The following NKAIN2 variants were observed in gnomAD, a reference collection of about 807,000 sequenced individuals.
NKAIN2 encodes the protein sodium/potassium transporting ATPase interacting 2, also known as sodium/potassium-transporting ATPase subunit beta-1-interacting protein 2.
A neutral mutation model predicts 32.6 loss-of-function variants in NKAIN2; 14 were observed. The observed-to-expected ratio is 0.43, with a 90% CI of 0.28 to 0.67. The LOEUF (loss-of-function observed/expected upper bound fraction) is 0.67. NKAIN2 is among the 30% of genes least tolerant of loss of function. NKAIN2 has a pLI of 0.17. For synonymous variants in NKAIN2, 80 were observed against 87.2 expected, an observed-to-expected ratio of 0.92 and a Z score of 0.46; for missense variants, 198 against 258.3, an observed-to-expected ratio of 0.77 and a Z score of 1.60.
rs1021617619 is a variant in NKAIN2 at position 124,153,179 on chromosome 6, G to C, written c.55-129826G>C. 1.5e-4 allele frequency among the ~76,000 whole-genome samples: 23 copies of C among 151,920 alleles called. 1 individual carries two copies. Among genetic ancestry groups the C allele is most frequent in the Middle Eastern group, 3.4e-3 (1 of 294 alleles). On this transcript the variant is annotated intron_variant, in intron 1 of 6. Coordinates refer to ENST00000368417, the MANE Select transcript of NKAIN2 (RefSeq NM_001040214.3). ...GCACACAACACCAAAAAAGATAAAT[G>C]TTGAGGTGATGGATATTCCGATTAC...
At chr6:123,922,875 A>C (rs1362880073) in intron 1 of NKAIN2, among the ~76,000 whole-genome samples, 1 of 152,166 alleles carries the variant, frequency 6.6e-6, no homozygotes, top group Non-Finnish European at 1.5e-5. Context: ...ACATGGGGAA[A>C]GTTACTGTGC....
intron 3 of NKAIN2, among the ~76,000 whole-genome samples, chr6:124,373,938 G>T (rs1025883570): frequency 6.6e-6 from 1 of 152,102 alleles, no homozygotes; most frequent in Admixed American, 6.6e-5. Flanking sequence ...CAGGAAAAAA[G>T]ACACAGAGGA....
chr6:124,437,872 A>ATTTTTT (rs374033234), intron 3 of NKAIN2: 65 of 344,314 alleles, frequency 1.9e-4, no homozygotes, highest in Admixed American at 3.1e-4. Context: ...TGATCTATTG[A>ATTTTTT]TTTTTTTTTT....
chr6:124,567,666 C>G (rs1055942212), intron 3 of NKAIN2, among the ~76,000 whole-genome samples: 8 of 152,232 alleles, frequency 5.3e-5, no homozygotes, highest in Non-Finnish European at 1.0e-4. Context: ...GTGAGGATCA[C>G]TCATGGTCTG....
At chr6:123,899,900 G>A (rs1774475832) in intron 1 of NKAIN2, among the ~76,000 whole-genome samples, 1 of 152,126 alleles carries the variant, frequency 6.6e-6, no homozygotes, top group African/African-American at 2.4e-5. Flanking sequence ...AGGGAACACT[G>A]TCAGCTTGGA....
intron 4 of NKAIN2, among the ~76,000 whole-genome samples, chr6:124,709,003 G>A (rs1228817151): frequency 2.8e-5 from 4 of 143,608 alleles, no homozygotes; most frequent in Admixed American, 1.4e-4. Flanking sequence ...ATGATTTTGA[G>A]ATACGTCCCG....
intron 1 of NKAIN2, among the ~76,000 whole-genome samples, chr6:124,239,271 A>C (rs1036417641): frequency 1.3e-5 from 2 of 152,186 alleles, no homozygotes; most frequent in Non-Finnish European, 2.9e-5. Context: ...AGAGATGTAC[A>C]AAGAGCCTTA....
intron 3 of NKAIN2, among the ~76,000 whole-genome samples, chr6:124,551,988 C>T (rs563701991): frequency 3.3e-5 from 5 of 152,240 alleles, no homozygotes; most frequent in African/African-American, 9.6e-5. Context: ...AGTTGATAAT[C>T]GTTAGAAACT....
intron 1 of NKAIN2, among the ~76,000 whole-genome samples, chr6:123,816,395 G>A (rs1773696338): frequency 6.6e-6 from 1 of 152,128 alleles, no homozygotes. Flanking sequence ...TGAGAGTGAA[G>A]GCTTGGGGTT....
intron 1 of NKAIN2, among the ~76,000 whole-genome samples, chr6:124,012,935 T>A (rs1199688819): frequency 6.6e-6 from 1 of 152,166 alleles, no homozygotes; most frequent in African/African-American, 2.4e-5. Flanking sequence ...GTTGTTTCAT[T>A]TTACATTTCC....
chr6:124,229,834 A>T (rs544227154), intron 1 of NKAIN2, among the ~76,000 whole-genome samples: 1 of 152,180 alleles, frequency 6.6e-6, no homozygotes, highest in Non-Finnish European at 1.5e-5. Flanking sequence ...TGGAACTGTT[A>T]AGTCTGTTAA....
intron 1 of NKAIN2, among the ~76,000 whole-genome samples, chr6:124,087,926 T>G (rs1784255899): frequency 4.6e-5 from 7 of 152,026 alleles, no homozygotes; most frequent in Admixed American, 3.9e-4. Context: ...TATACTCAAT[T>G]GTTGTATCAC....
At chr6:124,770,518 C>T (rs190872130) in intron 4 of NKAIN2, among the ~76,000 whole-genome samples, 1 of 152,280 alleles carries the variant, frequency 6.6e-6, no homozygotes, top group Admixed American at 6.5e-5. Flanking sequence ...AGGGTTTTGT[C>T]TGCCTTTTTT....
chr6:124,756,167 C>T (rs1044598280), intron 4 of NKAIN2, among the ~76,000 whole-genome samples: 26 of 152,084 alleles, frequency 1.7e-4, no homozygotes, highest in South Asian at 4.1e-4. Context: ...AAATGAACAA[C>T]GGTTTAGGTG....
intron 3 of NKAIN2, among the ~76,000 whole-genome samples, chr6:124,652,801 C>T (rs1784412065): frequency 6.6e-6 from 1 of 152,146 alleles, no homozygotes; most frequent in African/African-American, 2.4e-5. Flanking sequence ...TGAAGCCCCA[C>T]ACACTCCAGT....
intron 1 of NKAIN2, among the ~76,000 whole-genome samples, chr6:123,840,821 A>G (rs1433995815): frequency 1.3e-5 from 2 of 152,090 alleles, no homozygotes; most frequent in East Asian, 3.9e-4. Context: ...ATTACACTTG[A>G]TATTTTTATA....
chr6:124,357,526 GA>G (rs912112282), intron 3 of NKAIN2, among the ~76,000 whole-genome samples: 68 of 145,808 alleles, frequency 4.7e-4, no homozygotes, highest in Middle Eastern at 3.5e-3. Context: ...CAATCCATCA[GA>G]AAAAAAAAAG....
rs550803095 is a variant in NKAIN2, at chr6:124,185,248, TA to T, written c.55-97756del. Among the ~76,000 whole-genome samples the T allele has an allele frequency of 1.1e-3, 165 of 152,250 alleles. 1 individual carries two copies. Among genetic ancestry groups the T allele is most frequent in the African/African-American group, 3.8e-3 (159 of 41,556 alleles). The stretch of plus-strand genomic sequence containing the variant: ...GTACAGTAGTTTTGTGCAAGTAACT[TA>T]TTCATTTCATTATAACTGTATTAAA... On this transcript the variant is annotated intron_variant, in intron 1 of 6. Transcript: ENST00000368417.
At position 124,765,669 on chromosome 6, in the gene NKAIN2, C is replaced by A. The variant is rs146765291; in HGVS notation, c.475-25670C>A. On this transcript the variant is annotated intron_variant, in intron 4 of 6. Coordinates refer to ENST00000368417, the MANE Select transcript of NKAIN2 (RefSeq NM_001040214.3). ...ACATGCACAAGCATTAATGCCTCAT[C>A]TTCCCCAGCCCCCTTGGTAGATACT... Among the ~76,000 whole-genome samples, 478 of 152,340 alleles carry A rather than the reference C, an allele frequency of 3.1e-3. 3 individuals carry two copies. Among genetic ancestry groups the A allele is most frequent in the Middle Eastern group, 0.01 (3 of 294 alleles).
Sources: gnomAD v4.1 joint callset for allele counts (sites outside exome capture counted in the v4.1 genomes callset) on GRCh38, gnomAD v4.1.1 for gene constraint, MANE v1.5 for transcripts, NCBI Gene and HGNC (gene_info 2026-07-23, HGNC 2026-07-21) for gene names.